Variants in SHANK2 observed in about 807,000 individuals in gnomAD.
SHANK2 encodes the protein SH3 and multiple ankyrin repeat domains 2.
Under a neutral mutation model 133.7 loss-of-function variants are expected in SHANK2, and 43 were observed. The ratio of observed to expected loss-of-function variants is 0.32; its 90% CI spans 0.25 to 0.41. The LOEUF (loss-of-function observed/expected upper bound fraction) is 0.41. Ranked by LOEUF, SHANK2 falls within the 10% of genes least tolerant of loss-of-function variation. The pLI, the probability that SHANK2 is intolerant of heterozygous loss-of-function variation, is 1.00. For missense variants in SHANK2, 1,994 were observed against 2,235.8 expected, an observed-to-expected ratio of 0.89 and a Z score of 2.18; for synonymous variants, 1,017 against 952.8, an observed-to-expected ratio of 1.07 and a Z score of -1.24.
chr11:71,182,504 C>T (rs1555113934), intron 2 of SHANK2, among the ~76,000 whole-genome samples: 2 of 152,174 alleles, frequency 1.3e-5, no homozygotes, highest in African/African-American at 4.8e-5. Context: ...AGGCCTGTCC[C>T]CCAGCTTCAG....
At chr11:70,883,785 C>A (rs1949694918) in intron 11 of SHANK2, among the ~76,000 whole-genome samples, 1 of 152,176 alleles carries the variant, frequency 6.6e-6, no homozygotes, top group Non-Finnish European at 1.5e-5. Flanking sequence ...GGACATGTGC[C>A]CTGAAAGCCA....
chr11:70,529,820 T>G (rs2059445394), intron 17 of SHANK2, among the ~76,000 whole-genome samples: 1 of 152,240 alleles, frequency 6.6e-6, no homozygotes, highest in Non-Finnish European at 1.5e-5. Context: ...GTCTTTCACC[T>G]GGCCTCATGT....
intron 10 of SHANK2, among the ~76,000 whole-genome samples, chr11:70,919,434 T>C (rs549544717): frequency 4.6e-5 from 7 of 152,020 alleles, no homozygotes; most frequent in Admixed American, 1.3e-4. Flanking sequence ...CAGGCTGGGA[T>C]GCAGTGGCAC....
chr11:71,074,014 G>A (rs1048294144), intron 9 of SHANK2, among the ~76,000 whole-genome samples: 1 of 152,174 alleles, frequency 6.6e-6, no homozygotes, highest in Admixed American at 6.5e-5. Flanking sequence ...TGGACAGCAT[G>A]GAGGCGTGGC....
chr11:71,239,013 C>T (rs937821846), intron 1 of SHANK2, among the ~76,000 whole-genome samples: 10 of 152,158 alleles, frequency 6.6e-5, no homozygotes, highest in African/African-American at 1.2e-4. Flanking sequence ...TAAGGGGACC[C>T]GGGGAACCCA....
Position 70,744,452 on chromosome 11 carries a change from C to T in SHANK2, c.1778-45689G>A, listed in dbSNP as rs918741191. On this transcript the variant is annotated intron_variant, in intron 14 of 25. Transcript: ENST00000601538. ...AGTGGGGCCTGGCAGGCTATGCCCC[C>T]GGCCCCCTGGGGGGTTCCTGCTAGG... Among the ~76,000 whole-genome samples the T allele has an allele frequency of 5.9e-5, 9 of 152,208 alleles. No homozygotes were observed. The East Asian group carries it at 1.3e-3, about 23-fold the overall frequency.
chr11:71,249,045 C>T (rs1555125441), intron 1 of SHANK2, among the ~76,000 whole-genome samples: 1 of 152,170 alleles, frequency 6.6e-6, no homozygotes, highest in African/African-American at 2.4e-5. Flanking sequence ...TATCCTCTGA[C>T]CATGAGAGAA....
intron 15 of SHANK2, among the ~76,000 whole-genome samples, chr11:70,670,083 G>A (rs1944766265): frequency 6.6e-6 from 1 of 152,232 alleles, no homozygotes; most frequent in African/African-American, 2.4e-5. Context: ...GGAAAGCCAG[G>A]AAGGACTCCC....
chr11:70,925,482 A>G (rs529546383), intron 10 of SHANK2, among the ~76,000 whole-genome samples: 17 of 152,344 alleles, frequency 1.1e-4, no homozygotes, highest in African/African-American at 4.1e-4. Flanking sequence ...CATAATCAAC[A>G]CCAAGCAGAC....
rs748128409 is a variant in SHANK2, at chr11:70,535,727, T to G, written c.2062-32796A>C. Among the ~76,000 whole-genome samples the G allele has an allele frequency of 5.3e-5, 8 of 152,210 alleles. No individual in the cohort carries two copies. The highest frequency in any genetic ancestry group is 1.0e-4 in the Non-Finnish European group (7 of 68,030). On this transcript the variant is annotated intron_variant, in intron 17 of 25. Coordinates refer to ENST00000601538, the MANE Select transcript of SHANK2 (RefSeq NM_012309.5). The surrounding 1 kb of genome is among the most constrained non-coding windows in gnomAD (Gnocchi z 4.3). ...CACCCAGGGGGACCGAGGCCAGCCC[T>G]GCAGCAGGGCCACCCAGCAGCACTG...
chr11:70,825,581 C>T (rs896528401), intron 11 of SHANK2, among the ~76,000 whole-genome samples: 2 of 152,190 alleles, frequency 1.3e-5, no homozygotes, highest in Non-Finnish European at 1.5e-5. Flanking sequence ...AAAATTACCT[C>T]GCGTAATTAC....
Position 71,133,330 on chromosome 11 carries a change from G to C in SHANK2, c.207+13790C>G, listed in dbSNP as rs1193455904. 7.0e-5 allele frequency among the ~76,000 whole-genome samples: 8 copies of C among 114,642 alleles called. No homozygotes were observed. In the East Asian group the frequency reaches 1.1e-3, roughly 15 times the overall value. The allele number at this position is 114,642 out of a possible 152,430, so 75.2% of individuals were successfully genotyped here. ...GCTGGCTGGCTGGCTGGGTAGGTGG[G>C]TGGCTGGGAGGATGCATGGCTGGCT... is the stretch of plus-strand genomic sequence containing the variant. On this transcript the variant is annotated intron_variant, in intron 3 of 25. Transcript: ENST00000601538.
intron 17 of SHANK2, among the ~76,000 whole-genome samples, chr11:70,622,425 C>T (rs1199130996): frequency 1.3e-5 from 2 of 152,110 alleles, no homozygotes; most frequent in African/African-American, 2.4e-5. Context: ...ACCCTCTGTG[C>T]GAGTGTCCTG....
intron 14 of SHANK2, among the ~76,000 whole-genome samples, chr11:70,767,905 C>G (rs1555041765): frequency 6.6e-6 from 1 of 152,200 alleles, no homozygotes; most frequent in Non-Finnish European, 1.5e-5. Context: ...TATGCCAGTG[C>G]TCCCTTTCCC....
rs950511020 is a variant in SHANK2 at position 70,535,832 on chromosome 11, G to A, written c.2062-32901C>T. The stretch of plus-strand genomic sequence containing the variant: ...GCAGGGAGCTGGGCCCAGGCACTTG[G>A]GAAGCTTGGGAGCCTGAGAAGAAGG... On this transcript the variant is annotated intron_variant, in intron 17 of 25. Transcript: ENST00000601538. This position sits in a 1 kb window ranked among gnomAD's most constrained non-coding sequence, Gnocchi z 4.3. Among the ~76,000 whole-genome samples the A allele has an allele frequency of 1.3e-5, 2 of 152,234 alleles. No individual in the cohort carries two copies. Among genetic ancestry groups the A allele is most frequent in the Non-Finnish European group, 2.9e-5 (2 of 68,042 alleles).
intron 10 of SHANK2, among the ~76,000 whole-genome samples, chr11:70,955,451 G>GTGTA (rs2135914416): frequency 6.6e-6 from 1 of 152,000 alleles, no homozygotes; most frequent in East Asian, 1.9e-4. Flanking sequence ...GTGTGTGTGT[G>GTGTA]TGTGTGTGTG....
chr11:70,924,627 T>C (rs530201276), intron 10 of SHANK2, among the ~76,000 whole-genome samples: 120 of 152,166 alleles, frequency 7.9e-4, no homozygotes, highest in South Asian at 2.1e-4. Flanking sequence ...CGGCTAATTT[T>C]TGTATTTTTA....
chr11:70,778,027 G>T (rs575940516), intron 14 of SHANK2, among the ~76,000 whole-genome samples: 3 of 152,282 alleles, frequency 2.0e-5, no homozygotes, highest in African/African-American at 7.2e-5. Context: ...CTTGCTCCTG[G>T]TGCTTTCCAG....
At chr11:70,859,731 G>A (rs189470627) in intron 11 of SHANK2, among the ~76,000 whole-genome samples, 25 of 152,326 alleles carry the variant, frequency 1.6e-4, no homozygotes, top group Non-Finnish European at 3.2e-4. Context: ...TGACCTCCAC[G>A]AAGTGAGAAA....
Sources: allele counts gnomAD v4.1 joint callset (sites outside exome capture counted in the v4.1 genomes callset), GRCh38; gene constraint gnomAD v4.1.1; non-coding constraint Gnocchi (gnomAD v3.1); transcripts MANE v1.5; gene names NCBI Gene and HGNC (gene_info 2026-07-23, HGNC 2026-07-21).